ATXN8OS: variants seen among roughly 807,000 people sequenced by gnomAD.
ATXN8OS encodes the protein ATXN8 opposite strand (non-protein coding).
chr13:70,168,121 G>T (rs960781037), intron 4 of ATXN8OS, among the ~76,000 whole-genome samples: 2 of 151,982 alleles, frequency 1.3e-5, no homozygotes, highest in Admixed American at 1.3e-4. Flanking sequence ...TTGCTGGGAG[G>T]CACTTCTTTG....
intron 4 of ATXN8OS, among the ~76,000 whole-genome samples, chr13:70,154,142 G>C (rs1228996085): frequency 6.6e-6 from 1 of 152,124 alleles, no homozygotes; most frequent in Non-Finnish European, 1.5e-5. Flanking sequence ...AGCACACACA[G>C]TTTTATTTCT....
intron 3 of ATXN8OS, among the ~76,000 whole-genome samples, chr13:70,144,704 T>A (rs1437604263): frequency 6.6e-6 from 1 of 152,154 alleles, no homozygotes; most frequent in Non-Finnish European, 1.5e-5. Context: ...ATAATGAAAT[T>A]CATCTTATCA....
chr13:70,118,444 C>T (rs967529640), intron 2 of ATXN8OS, among the ~76,000 whole-genome samples: 1 of 151,844 alleles, frequency 6.6e-6, no homozygotes, highest in African/African-American at 2.4e-5. Context: ...ATTATAAAGC[C>T]ATCATTGTGG....
intron 4 of ATXN8OS, among the ~76,000 whole-genome samples, chr13:70,163,225 T>G (rs1889031455): frequency 6.6e-6 from 1 of 152,000 alleles, no homozygotes; most frequent in Admixed American, 6.6e-5. Context: ...ATGCAGCAAT[T>G]ACCATTATCA....
intron 3 of ATXN8OS, among the ~76,000 whole-genome samples, chr13:70,145,747 T>C (rs1386092001): frequency 1.3e-5 from 2 of 152,134 alleles, no homozygotes; most frequent in African/African-American, 4.8e-5. Flanking sequence ...TAAGGAGATT[T>C]TGGGCTGAGA....
intron 2 of ATXN8OS, among the ~76,000 whole-genome samples, chr13:70,126,120 G>T (rs753588160): frequency 1.3e-5 from 2 of 151,990 alleles, no homozygotes; most frequent in African/African-American, 4.8e-5. Context: ...CCCCAATTCC[G>T]CAATTATATA....
chr13:70,108,883 A>G (rs936395672), intron 1 of ATXN8OS, among the ~76,000 whole-genome samples: 1 of 152,160 alleles, frequency 6.6e-6, no homozygotes, highest in African/African-American at 2.4e-5. Flanking sequence ...CCATCCTGAC[A>G]CTTACATTGT....
intron 4 of ATXN8OS, among the ~76,000 whole-genome samples, chr13:70,149,996 T>C (rs1416007627): frequency 6.6e-6 from 1 of 152,116 alleles, no homozygotes; most frequent in Non-Finnish European, 1.5e-5. Context: ...TAGACAGACT[T>C]TCTTACCTTC....
chr13:70,157,547 C>G (rs1322967101), intron 4 of ATXN8OS, among the ~76,000 whole-genome samples: 4 of 136,878 alleles, frequency 2.9e-5, no homozygotes, highest in Non-Finnish European at 6.1e-5. Context: ...CTTCTTTTAC[C>G]AGCAGTTAAA....
intron 3 of ATXN8OS, among the ~76,000 whole-genome samples, chr13:70,140,743 C>A (rs1357150782): frequency 6.6e-6 from 1 of 152,044 alleles, no homozygotes; most frequent in African/African-American, 2.4e-5. Flanking sequence ...GGTTTTATAT[C>A]ATTTTCCTGA....
chr13:70,124,924 T>C (rs1353930700), intron 2 of ATXN8OS, among the ~76,000 whole-genome samples: 1 of 114,846 alleles, frequency 8.7e-6, no homozygotes, highest in Admixed American at 1.0e-4. Flanking sequence ...ACAATGTGTG[T>C]AATTTGAGGG....
chr13:70,143,633 T>C (rs1367451965), intron 3 of ATXN8OS, among the ~76,000 whole-genome samples: 2 of 152,170 alleles, frequency 1.3e-5, no homozygotes, highest in East Asian at 3.9e-4. Flanking sequence ...AGAACTTAGG[T>C]TGAGCGGTGG....
At chr13:70,139,368 A>ACTG in intron 3 of ATXN8OS, 1 of 630,936 alleles carries the variant, frequency 1.6e-6, no homozygotes, top group Non-Finnish European at 2.6e-6. Flanking sequence ...TACTACTACT[A>ACTG]CTACTACTAC....
chr13:70,158,412 A>G (rs1192559245), intron 4 of ATXN8OS, among the ~76,000 whole-genome samples: 1 of 152,164 alleles, frequency 6.6e-6, no homozygotes, highest in Admixed American at 6.5e-5. Flanking sequence ...GCAAGACTCC[A>G]TCTCAAACAA....
At chr13:70,135,841 AAAAAC>A (rs775638815) in intron 3 of ATXN8OS, among the ~76,000 whole-genome samples, 1 of 152,314 alleles carries the variant, frequency 6.6e-6, no homozygotes, top group East Asian at 1.9e-4. Context: ...CAATTATCTA[AAAAAC>A]AAAACAAAAC....
chr13:70,136,618 G>T (rs1888619559), intron 3 of ATXN8OS, among the ~76,000 whole-genome samples: 1 of 151,998 alleles, frequency 6.6e-6, no homozygotes, highest in Non-Finnish European at 1.5e-5. Flanking sequence ...GCTAGCAGGA[G>T]AACTCCCTTA....
intron 1 of ATXN8OS, among the ~76,000 whole-genome samples, chr13:70,112,661 G>A (rs367647546): frequency 9.2e-5 from 14 of 151,890 alleles, no homozygotes; most frequent in African/African-American, 3.1e-4. Flanking sequence ...TTGACCTTTT[G>A]ATTTAGATCT....
rs532049812 is a variant in ATXN8OS, at chr13:70,158,887, G to C, written n.574-10866G>C. Among the ~76,000 whole-genome samples the C allele has an allele frequency of 5.9e-5, 9 of 152,206 alleles. No homozygotes were observed. In the South Asian group the frequency reaches 6.2e-4, roughly 11 times the overall value. On this transcript the variant is annotated intron_variant and non_coding_transcript_variant, in intron 4 of 4. Transcript: ENST00000678624. ...AGATTTAGTTCATGGGCCATAGTTTGTCAACCTCTGTGTTATAGGACTGCT... is the reference window on the plus strand; with the variant it reads ...AGATTTAGTTCATGGGCCATAGTTTCTCAACCTCTGTGTTATAGGACTGCT...
intron 2 of ATXN8OS, among the ~76,000 whole-genome samples, chr13:70,127,171 T>C (rs561180175): frequency 6.6e-6 from 1 of 152,106 alleles, no homozygotes; most frequent in South Asian, 2.1e-4. Flanking sequence ...ATTTATCTCA[T>C]TTTTATGTCA....
Sources: gnomAD v4.1 joint callset for allele counts (sites outside exome capture counted in the v4.1 genomes callset) on GRCh38, gnomAD v4.1.1 for gene constraint, MANE v1.5 for transcripts, NCBI Gene and HGNC (gene_info 2026-07-23, HGNC 2026-07-21) for gene names.